SLC44A5: variants seen among roughly 807,000 people sequenced by gnomAD.
The protein encoded by SLC44A5 is solute carrier family 44 member 5.
In SLC44A5, 57 loss-of-function variants were observed where a neutral mutation model predicts 101.8. That is an observed-to-expected ratio of 0.56 (90% CI 0.45 to 0.70). SLC44A5 has a LOEUF of 0.70. Ranked by LOEUF, SLC44A5 falls within the 30% of genes least tolerant of loss-of-function variation. SLC44A5 has a pLI of 0.00. For synonymous variants in SLC44A5, 281 were observed against 290.9 expected (o/e 0.97, Z 0.35); for missense variants, 737 against 853.1 (o/e 0.86, Z 1.70).
intron 1 of SLC44A5, among the ~76,000 whole-genome samples, chr1:75,603,753 G>GTTTTTTTTTTTTTTTTTTTTTCTTTTTT (rs57844833): frequency 1.8e-5 from 1 of 54,084 alleles, no homozygotes; most frequent in Non-Finnish European, 3.1e-5. Flanking sequence ...ATTTTTTCAT[G>GTTTTTTTTTTTTTTTTTTTTTCTTTTTT]TTTTTTTTTT....
chr1:75,360,809 A>G lies in SLC44A5; in HGVS notation c.53-21179T>C, dbSNP rs542073301. On this transcript the variant is annotated intron_variant, in intron 3 of 23. Coordinates refer to ENST00000370859, the MANE Select transcript of SLC44A5 (RefSeq NM_001130058.2). ...GGCTCTTCAGGGTTTATGTGGTTCC[A>G]TAAAATTTAACAATTGTTTATCTCT... Among the ~76,000 whole-genome samples the G allele has an allele frequency of 3.3e-5, 5 of 152,318 alleles. No individual in the cohort carries two copies. The East Asian group carries it at 7.7e-4, about 23-fold the overall frequency.
At chr1:75,282,593 T>G (rs1453162549) in intron 5 of SLC44A5, among the ~76,000 whole-genome samples, 2 of 152,126 alleles carry the variant, frequency 1.3e-5, no homozygotes. Flanking sequence ...ATAATCTGAG[T>G]GTAATCCCCA....
chr1:75,443,583 C>CA (rs1191713614), intron 2 of SLC44A5, among the ~76,000 whole-genome samples: 1 of 151,830 alleles, frequency 6.6e-6, no homozygotes, highest in Non-Finnish European at 1.5e-5. Context: ...AATGACAATG[C>CA]AAAATCCATA....
At chr1:75,676,264 C>G in the SLC44A5 span, among the ~76,000 whole-genome samples, 1 of 152,140 alleles carries the variant, frequency 6.6e-6, no homozygotes, top group African/African-American at 2.4e-5. Context: ...CATTGCAGCA[C>G]TATTCACAAT....
chr1:75,513,762 G>T (rs1669684626), intron 2 of SLC44A5, among the ~76,000 whole-genome samples: 1 of 151,990 alleles, frequency 6.6e-6, no homozygotes, highest in Admixed American at 6.6e-5. Flanking sequence ...TTTCCTATTG[G>T]CTCTTCTCTT....
At chr1:75,506,168 T>C (rs1236156379) in intron 2 of SLC44A5, among the ~76,000 whole-genome samples, 2 of 152,138 alleles carry the variant, frequency 1.3e-5, no homozygotes, top group Non-Finnish European at 2.9e-5. Context: ...TGTAGGTGTG[T>C]GGGTTTATTT....
chr1:75,607,955 G>A (rs1675424101), intron 1 of SLC44A5, among the ~76,000 whole-genome samples: 1 of 151,884 alleles, frequency 6.6e-6, no homozygotes, highest in Admixed American at 6.6e-5. Context: ...CCCAGAACTT[G>A]TCTTATAACT....
intron 4 of SLC44A5, among the ~76,000 whole-genome samples, chr1:75,316,942 C>A (rs1348568051): frequency 2.0e-5 from 3 of 152,098 alleles, no homozygotes; most frequent in Non-Finnish European, 4.4e-5. Flanking sequence ...AGGCAGCAAA[C>A]AAGATTAGGC....
chr1:75,215,727 T>C (rs376485783), intron 19 of SLC44A5, 27 bp downstream of exon 19: 4 of 1,348,774 alleles, frequency 3.0e-6, no homozygotes, highest in Admixed American at 1.7e-5. Context: ...AGAAGCAGCT[T>C]AGTAAATAAT....
At chr1:75,535,994 A>G (rs888127322) in intron 2 of SLC44A5, among the ~76,000 whole-genome samples, 2 of 149,146 alleles carry the variant, frequency 1.3e-5, no homozygotes, top group Admixed American at 6.7e-5. Flanking sequence ...GGATTGTTTG[A>G]GCCCAGGAAT....
At chr1:75,375,049 T>C (rs996439512) in intron 3 of SLC44A5, among the ~76,000 whole-genome samples, 19 of 152,258 alleles carry the variant, frequency 1.2e-4, no homozygotes, top group East Asian at 5.8e-4. Flanking sequence ...ATTCAGAATA[T>C]GGATGGCCAA....
chr1:75,275,134 C>T (rs963671935), intron 5 of SLC44A5, 92 bp from the exon 6 acceptor site: 1 of 803,142 alleles, frequency 1.2e-6, no homozygotes, highest in East Asian at 2.6e-5. Flanking sequence ...CTGCAACACA[C>T]TAACCTCTCC....
chr1:75,532,534 C>T, intron 2 of SLC44A5, among the ~76,000 whole-genome samples: 1 of 152,158 alleles, frequency 6.6e-6, no homozygotes, highest in East Asian at 1.9e-4. Flanking sequence ...GCCACCCACC[C>T]CTACCATTTC....
At chr1:75,632,981 A>G in the SLC44A5 span, among the ~76,000 whole-genome samples, 1 of 152,180 alleles carries the variant, frequency 6.6e-6, no homozygotes, top group Admixed American at 6.6e-5. Flanking sequence ...TAACTTTTAT[A>G]CCAATGACAA....
At chr1:75,268,325 T>A (rs1214000817) in intron 6 of SLC44A5, among the ~76,000 whole-genome samples, 1 of 152,196 alleles carries the variant, frequency 6.6e-6, no homozygotes, top group East Asian at 1.9e-4. Flanking sequence ...AGTGCTTCCC[T>A]CACCCCGTAA....
intron 6 of SLC44A5, among the ~76,000 whole-genome samples, chr1:75,274,671 T>C (rs1340531376): frequency 6.6e-6 from 1 of 152,184 alleles, no homozygotes; most frequent in African/African-American, 2.4e-5. Context: ...TTTTAAAATA[T>C]AGCTTCTGAT....
intron 1 of SLC44A5, among the ~76,000 whole-genome samples, chr1:75,605,671 T>C (rs976371479): frequency 6.6e-6 from 1 of 152,034 alleles, no homozygotes; most frequent in African/African-American, 2.4e-5. Flanking sequence ...CTACCAAAAG[T>C]TATAAAATTC....
At chr1:75,428,754 A>G (rs527386030) in intron 2 of SLC44A5, among the ~76,000 whole-genome samples, 2 of 152,318 alleles carry the variant, frequency 1.3e-5, no homozygotes, top group South Asian at 4.1e-4. Flanking sequence ...ACTTTGGCTT[A>G]TACTCATAAG....
At chr1:75,209,605 G>A (rs575438617) in intron 23 of SLC44A5, among the ~76,000 whole-genome samples, 20 of 152,238 alleles carry the variant, frequency 1.3e-4, no homozygotes, top group African/African-American at 4.8e-4. Context: ...AGTACATAAA[G>A]TTCTCTTGAA....
Sources: gnomAD v4.1 joint callset for allele counts (sites outside exome capture counted in the v4.1 genomes callset) on GRCh38, gnomAD v4.1.1 for gene constraint, MANE v1.5 for transcripts, NCBI Gene and HGNC (gene_info 2026-07-23, HGNC 2026-07-21) for gene names.